Variants in ABLIM1 observed in about 807,000 individuals in gnomAD.
The protein encoded by ABLIM1 is actin binding LIM protein 1, also known as actin-binding LIM protein 1.
A neutral mutation model predicts 107.0 loss-of-function variants in ABLIM1; 40 were observed. The ratio of observed to expected loss-of-function variants is 0.37; its 90% CI spans 0.29 to 0.49. The LOEUF is 0.49. Ranked by LOEUF, ABLIM1 falls within the 20% of genes least tolerant of loss-of-function variation. ABLIM1 has a pLI of 0.97. For missense variants in ABLIM1, 857 were observed against 1,008.5 expected (o/e 0.85, Z 2.04); for synonymous variants, 357 against 357.3 (o/e 1.00, Z 0.01).
intron 8 of ABLIM1, 91 bp from the exon 9 acceptor site, chr10:114,474,047 T>A: frequency 1.1e-6 from 1 of 949,154 alleles, no homozygotes; most frequent in Non-Finnish European, 1.6e-6. Flanking sequence ...AAAACTCAGC[T>A]AGTGAAAAAA....
intron 1 of ABLIM1, among the ~76,000 whole-genome samples, chr10:114,725,491 A>G (rs2081938523): frequency 6.6e-6 from 1 of 152,162 alleles, no homozygotes; most frequent in Admixed American, 6.5e-5. Context: ...AATTTAAAAA[A>G]CAAAGCACAA....
At chr10:114,663,290 T>G (rs550004208) in intron 1 of ABLIM1, among the ~76,000 whole-genome samples, 17 of 152,328 alleles carry the variant, frequency 1.1e-4, no homozygotes, top group Admixed American at 1.1e-3. Context: ...ATAGCAGCTC[T>G]CCCATGGTAT....
Position 114,440,087 on chromosome 10 carries a change from A to C in ABLIM1, c.2062T>G (p.Tyr688Asp). ...AAAGACAAAGTGTTCCATACCTGGT[A>C]ATCTGAAAAGGAAAGGAAAAGAAAA... ...YGDVSGGVRD[Y>D]QTLPDGHMPA... The change falls in exon 20 of 23, where the codon TAC (tyrosine) becomes GAC (aspartate). Residue 688 changes from tyrosine to aspartate, a missense_variant and splice_region_variant. Tyr to Asp is a radical substitution (Grantham distance 160, BLOSUM62 -3). Coordinates refer to ENST00000533213, the MANE Select transcript of ABLIM1 (RefSeq NM_002313.7). 6.2e-7 allele frequency: 1 copy of C among 1,613,638 alleles called. No individual in the cohort carries two copies. The highest frequency in any genetic ancestry group is 8.5e-7 in the Non-Finnish European group (1 of 1,179,882).
At chr10:114,574,854 A>C (rs1285903824) in intron 3 of ABLIM1, among the ~76,000 whole-genome samples, 1 of 152,154 alleles carries the variant, frequency 6.6e-6, no homozygotes, top group African/African-American at 2.4e-5. Flanking sequence ...TGAGATTGTA[A>C]ATTTTTTAAG....
intron 2 of ABLIM1, among the ~76,000 whole-genome samples, chr10:114,596,897 A>G (rs1212071608): frequency 6.6e-6 from 1 of 152,162 alleles, no homozygotes; most frequent in African/African-American, 2.4e-5. Context: ...CCACTCAAGA[A>G]ATAGAAGGCT....
At chr10:114,448,778 T>C (rs2061432377) in intron 14 of ABLIM1, among the ~76,000 whole-genome samples, 1 of 152,110 alleles carries the variant, frequency 6.6e-6, no homozygotes, top group Non-Finnish European at 1.5e-5. Flanking sequence ...CATGCCCAGC[T>C]GATTTTTGCA....
At chr10:114,796,431 T>C in the ABLIM1 span, among the ~76,000 whole-genome samples, 1 of 152,186 alleles carries the variant, frequency 6.6e-6, no homozygotes, top group Non-Finnish European at 1.5e-5. Context: ...TTGTTTGTGA[T>C]ATGTCAGTTG....
At chr10:114,737,493 G>C (rs966645296) in intron 1 of ABLIM1, among the ~76,000 whole-genome samples, 2 of 152,032 alleles carry the variant, frequency 1.3e-5, no homozygotes, top group African/African-American at 4.8e-5. Context: ...CTCCCAACCT[G>C]CACCTTGCTC....
chr10:114,464,287 G>A lies in ABLIM1; in HGVS notation c.1441+1411C>T, dbSNP rs1312567277. On this transcript the variant is annotated intron_variant, in intron 12 of 22. Transcript: ENST00000533213. ...TGCAACCTTTGCCTCCCAGGTTCCA[G>A]CAATTCTCCTGTCTCAGCCTCCCAA... Among the ~76,000 whole-genome samples the A allele has an allele frequency of 2.6e-5, 4 of 151,276 alleles. No homozygotes were observed. The East Asian group carries it at 7.8e-4, about 30-fold the overall frequency.
chr10:114,762,268 T>C (rs808299), intron 1 of ABLIM1, among the ~76,000 whole-genome samples: 106,899 of 151,856 alleles, frequency 0.7, 37,748 homozygotes, highest in Non-Finnish European at 0.73. Context: ...CTCCTGACCT[T>C]GTGATCCACC....
chr10:114,477,746 CAG>C (rs1464871854), intron 8 of ABLIM1, among the ~76,000 whole-genome samples: 6 of 151,972 alleles, frequency 3.9e-5, no homozygotes, highest in Non-Finnish European at 8.8e-5. Flanking sequence ...TTCTCTGAGA[CAG>C]AGTCTCACTC....
chr10:114,762,407 G>C (rs1337987665), intron 1 of ABLIM1, among the ~76,000 whole-genome samples: 2 of 152,104 alleles, frequency 1.3e-5, no homozygotes, highest in African/African-American at 4.8e-5. Flanking sequence ...TACATACTGA[G>C]CCCTATTAAC....
intron 1 of ABLIM1, among the ~76,000 whole-genome samples, chr10:114,651,696 A>T (rs1246344673): frequency 6.6e-6 from 1 of 152,176 alleles, no homozygotes; most frequent in East Asian, 1.9e-4. Flanking sequence ...ATAAAAAAAA[A>T]ATGCAAACTA....
intron 6 of ABLIM1, among the ~76,000 whole-genome samples, chr10:114,505,168 A>T (rs1260501087): frequency 1.3e-5 from 2 of 152,194 alleles, no homozygotes; most frequent in Non-Finnish European, 2.9e-5. Flanking sequence ...ACAATGAGAA[A>T]TTCATCATGC....
At chr10:114,787,290 T>G in the ABLIM1 span, among the ~76,000 whole-genome samples, 1 of 149,946 alleles carries the variant, frequency 6.7e-6, no homozygotes, top group Non-Finnish European at 1.5e-5. Context: ...GAGGAGCCTC[T>G]CTGCCCAGCA....
intron 1 of ABLIM1, among the ~76,000 whole-genome samples, chr10:114,635,505 C>T (rs895616518): frequency 2.0e-5 from 3 of 152,172 alleles, no homozygotes; most frequent in Non-Finnish European, 4.4e-5. Context: ...GTTGCTAACC[C>T]TCAACACCAC....
upstream of ABLIM1, among the ~76,000 whole-genome samples, chr10:114,770,770 T>C (rs1464446065): frequency 6.6e-6 from 1 of 152,202 alleles, no homozygotes; most frequent in Non-Finnish European, 1.5e-5. Flanking sequence ...ACAGAACATA[T>C]GTTATATCAG....
chr10:114,776,770 G>A, the ABLIM1 span, among the ~76,000 whole-genome samples: 2 of 152,240 alleles, frequency 1.3e-5, no homozygotes, highest in South Asian at 2.1e-4. Context: ...TGCCAGCTAT[G>A]GGATGCTCAA....
At chr10:114,759,839 G>A (rs943608640) in intron 1 of ABLIM1, among the ~76,000 whole-genome samples, 1 of 152,128 alleles carries the variant, frequency 6.6e-6, no homozygotes, top group African/African-American at 2.4e-5. Flanking sequence ...GATAGCCCCA[G>A]TATACACCTA....
Sources: gnomAD v4.1 joint callset for allele counts (sites outside exome capture counted in the v4.1 genomes callset) on GRCh38, gnomAD v4.1.1 for gene constraint, MANE v1.5 for transcripts, NCBI Gene and HGNC (gene_info 2026-07-23, HGNC 2026-07-21) for gene names.